QKI: variants seen among roughly 807,000 people sequenced by gnomAD.
QKI encodes QKI, KH domain containing RNA binding.
A neutral mutation model predicts 39.0 loss-of-function variants in QKI; 10 were observed. That is an observed-to-expected ratio of 0.26 (90% CI 0.16 to 0.43). The LOEUF is 0.43. QKI is among the 20% of genes least tolerant of loss of function. The pLI is 1.00. For synonymous variants in QKI, 204 were observed against 155.4 expected, an observed-to-expected ratio of 1.31 and a Z score of -2.33; for missense variants, 218 against 428.0, an observed-to-expected ratio of 0.51 and a Z score of 4.33.
In QKI at chr6:163,424,793, G is replaced by A. The variant is rs1348772286; in HGVS notation, c.142+9458G>A. Among the ~76,000 whole-genome samples, 4 of 151,664 alleles carry A rather than the reference G, an allele frequency of 2.6e-5. No individual in the cohort carries two copies. The East Asian group carries it at 7.8e-4, about 29-fold the overall frequency. ...ATTACAGGCGTGCACCTCCACACCCGGCTAATTGCTGTATTTTAGTAGAGA... is the reference window on the plus strand; with the variant it reads ...ATTACAGGCGTGCACCTCCACACCCAGCTAATTGCTGTATTTTAGTAGAGA... On this transcript the variant is annotated intron_variant, in intron 1 of 7. Coordinates refer to ENST00000361752, the MANE Select transcript of QKI (RefSeq NM_006775.3).
chr6:163,494,344 C>T (rs562536011), intron 3 of QKI, among the ~76,000 whole-genome samples: 5 of 152,296 alleles, frequency 3.3e-5, no homozygotes, highest in Admixed American at 3.3e-4. Flanking sequence ...GGTCCTGGGA[C>T]CAATCCCACA....
intron 1 of QKI, among the ~76,000 whole-genome samples, chr6:163,451,704 A>C (rs902939100): frequency 6.6e-6 from 1 of 152,194 alleles, no homozygotes; most frequent in African/African-American, 2.4e-5. Flanking sequence ...TCTCTGAACA[A>C]CTGCTGCGGG....
chr6:163,567,450 G>C (rs1484387414), intron 7 of QKI: 1 of 985,002 alleles, frequency 1.0e-6, no homozygotes, highest in African/African-American at 1.8e-5. Flanking sequence ...TTTGTCATTT[G>C]CTGCTAAAAT....
In QKI at chr6:163,415,065, AGCGGGAGCCGGC is replaced by A; in HGVS notation, c.-124_-113del. ...CCCCGGGGCTCGGCGCGGGAGCCAG[AGCGGGAGCCGGC>A]GCGGAGCGGGACGCCGGGTCCCGAG... On this transcript the variant is annotated 5_prime_UTR_variant, in exon 1 of 8. Coordinates refer to ENST00000361752, the MANE Select transcript of QKI (RefSeq NM_006775.3). The A allele has an allele frequency of 1.5e-6, 1 of 656,340 alleles. No individual in the cohort carries two copies. The highest frequency in any genetic ancestry group is 1.8e-6 in the Non-Finnish European group (1 of 545,590). 40.7% of individuals were successfully genotyped at this position (656,340 alleles called of 1,614,324 possible). A position where few individuals can be genotyped will look rare whatever the true frequency, so the allele number is the denominator to read the frequency against.
intron 4 of QKI, among the ~76,000 whole-genome samples, chr6:163,540,032 T>A (rs867371737): frequency 1.4e-4 from 21 of 152,086 alleles, no homozygotes; most frequent in Admixed American, 7.9e-4. Flanking sequence ...AGAACTTTAA[T>A]GTTCACATCT....
At chr6:163,514,408 A>G (rs772131033) in intron 3 of QKI, among the ~76,000 whole-genome samples, 2 of 152,194 alleles carry the variant, frequency 1.3e-5, no homozygotes, top group Non-Finnish European at 2.9e-5. Context: ...AAATCTATAT[A>G]GTAAAATCTA....
At chr6:163,463,894 C>T (rs928349423) in intron 2 of QKI, among the ~76,000 whole-genome samples, 1 of 152,146 alleles carries the variant, frequency 6.6e-6, no homozygotes, top group Non-Finnish European at 1.5e-5. Flanking sequence ...GCAATTCACT[C>T]TTCTGTAAAA....
At chr6:163,521,232 C>G (rs754246116) in intron 3 of QKI, among the ~76,000 whole-genome samples, 9 of 152,106 alleles carry the variant, frequency 5.9e-5, no homozygotes, top group Non-Finnish European at 8.8e-5. Flanking sequence ...CTGCTGCCAC[C>G]TGACTGTGCA....
In QKI at chr6:163,570,745, A is replaced by C; in HGVS notation, c.*35A>C. 1 of 1,611,186 alleles carries C rather than the reference A, an allele frequency of 6.2e-7. No homozygotes were observed. Among genetic ancestry groups the C allele is most frequent in the Non-Finnish European group, 8.5e-7 (1 of 1,178,658 alleles). On this transcript the variant is annotated 3_prime_UTR_variant, in exon 8 of 8. Coordinates refer to ENST00000361752, the MANE Select transcript of QKI (RefSeq NM_006775.3). Reference sequence around the variant, plus strand: ...TTCTGACCTCTGAACTCTTCACCCAATGATGACCTGACCATGCCTGCCTGC... The same window carrying C: ...TTCTGACCTCTGAACTCTTCACCCACTGATGACCTGACCATGCCTGCCTGC...
intron 1 of QKI, among the ~76,000 whole-genome samples, chr6:163,440,017 T>C (rs1411417551): frequency 6.6e-6 from 1 of 152,192 alleles, no homozygotes; most frequent in East Asian, 1.9e-4. Flanking sequence ...TGAGAATGTC[T>C]TGTCTGATTT....
intron 3 of QKI, among the ~76,000 whole-genome samples, chr6:163,502,209 A>G (rs535107419): frequency 5.3e-4 from 80 of 151,978 alleles, no homozygotes; most frequent in Admixed American, 1.3e-3. Context: ...TGTGTTCCCA[A>G]CTACTTGGGA....
At chr6:163,462,146 A>G (rs950157941) in intron 2 of QKI, among the ~76,000 whole-genome samples, 1 of 152,118 alleles carries the variant, frequency 6.6e-6, no homozygotes, top group Non-Finnish European at 1.5e-5. Context: ...CTTAGAGACA[A>G]GGTTTCACTG....
chr6:163,415,293 T>C lies in QKI; in HGVS notation c.100T>C (p.Phe34Leu). ...GAAGCTCATGAGCAGCCTGCCCAAC[T>C]TCTGCGGGATCTTCAACCACCTCGA... ...DKKLMSSLPN[F>L]CGIFNHLERL... Residue 34 changes from phenylalanine (F) to leucine (L), a missense_variant, in exon 1 of 8, where the codon TTC becomes CTC. Coordinates refer to ENST00000361752, the MANE Select transcript of QKI (RefSeq NM_006775.3). 6.3e-7 allele frequency: 1 copy of C among 1,594,168 alleles called. No homozygotes were observed. Among genetic ancestry groups the C allele is most frequent in the Non-Finnish European group, 8.6e-7 (1 of 1,167,434 alleles).
intron 1 of QKI, among the ~76,000 whole-genome samples, chr6:163,440,804 G>A (rs1238432426): frequency 6.6e-6 from 1 of 151,798 alleles, no homozygotes; most frequent in Non-Finnish European, 1.5e-5. Flanking sequence ...TACAGAGTAG[G>A]TGTAAAATAC....
chr6:163,457,449 C>T (rs558169884), intron 2 of QKI: 40 of 455,918 alleles, frequency 8.8e-5, no homozygotes, highest in Middle Eastern at 6.5e-4. Context: ...TTGTCTTGAT[C>T]GGTGATTCTC....
Position 163,574,416 on chromosome 6 carries a change from C to G in QKI, c.*3706C>G, listed in dbSNP as rs896221654. ...TAACTTGGGTAAAGTCAAAGGCCCA[C>G]TGGCTGTTTCTCATGGTGGCCTGAA... On this transcript the variant is annotated 3_prime_UTR_variant, in exon 8 of 8. Transcript: ENST00000361752. 1 of 152,204 alleles carries G rather than the reference C, an allele frequency of 6.6e-6. No homozygotes were observed. Among genetic ancestry groups the G allele is most frequent in the South Asian group, 2.1e-4 (1 of 4,830 alleles). 9.4% of individuals were successfully genotyped at this position (152,204 alleles called of 1,614,324 possible). A position where few individuals can be genotyped will look rare whatever the true frequency, so the allele number is the denominator to read the frequency against.
chr6:163,482,557 G>T (rs1793154131), intron 3 of QKI, among the ~76,000 whole-genome samples: 1 of 151,578 alleles, frequency 6.6e-6, no homozygotes. Context: ...AGCTGTAAAT[G>T]TGTTTTTTTG....
At chr6:163,415,878 G>T (rs756675476) in intron 1 of QKI, 3 of 509,960 alleles carry the variant, frequency 5.9e-6, no homozygotes, top group East Asian at 1.1e-4. Context: ...TGGTGCAGCT[G>T]TTCAATACTA....
intron 2 of QKI, among the ~76,000 whole-genome samples, chr6:163,477,396 A>G (rs1039693830): frequency 2.0e-5 from 3 of 152,198 alleles, no homozygotes; most frequent in African/African-American, 7.2e-5. Flanking sequence ...GAGTTTAAGC[A>G]CATAACCGTA....
Sources: allele counts gnomAD v4.1 joint callset (sites outside exome capture counted in the v4.1 genomes callset), GRCh38; gene constraint gnomAD v4.1.1; transcripts MANE v1.5; gene names NCBI Gene and HGNC (gene_info 2026-07-23, HGNC 2026-07-21).